TUSC3: variants seen among roughly 807,000 people sequenced by gnomAD.
TUSC3 encodes dolichyl-diphosphooligosaccharide--protein glycosyltransferase subunit TUSC3.
A neutral mutation model predicts 44.8 loss-of-function variants in TUSC3; 45 were observed. The observed-to-expected ratio is 1.00, with a 90% CI of 0.79 to 1.29. TUSC3 has a LOEUF of 1.29. Ranked by LOEUF, TUSC3 falls within the 50% of genes most tolerant of loss-of-function variation. The probability of loss-of-function intolerance (pLI) is 0.00; values close to 1 mark genes in which losing one functional copy is unlikely to be tolerated. For synonymous variants in TUSC3, 212 were observed against 152.9 expected (o/e 1.39, Z -2.85); for missense variants, 519 against 437.9 (o/e 1.19, Z -1.65).
At chr8:15,583,131 T>C (rs1803443530) in intron 1 of TUSC3, among the ~76,000 whole-genome samples, 1 of 152,192 alleles carries the variant, frequency 6.6e-6, no homozygotes, top group African/African-American at 2.4e-5. Flanking sequence ...AAGAATAAAC[T>C]AGAACTGTTC....
upstream of TUSC3, among the ~76,000 whole-genome samples, chr8:15,535,495 C>G (rs1335420680): frequency 2.0e-5 from 3 of 152,132 alleles, no homozygotes; most frequent in Non-Finnish European, 4.4e-5. Flanking sequence ...TTCTACCGTC[C>G]TAGAGCTTAC....
chr8:15,646,726 G>T (rs1464205078), intron 2 of TUSC3, among the ~76,000 whole-genome samples: 3 of 152,030 alleles, frequency 2.0e-5, no homozygotes, highest in African/African-American at 7.2e-5. Flanking sequence ...TTGCACACAG[G>T]TAGGCTAGGC....
At chr8:15,603,560 A>T (rs540095577) in intron 1 of TUSC3, among the ~76,000 whole-genome samples, 1 of 151,832 alleles carries the variant, frequency 6.6e-6, no homozygotes, top group Non-Finnish European at 1.5e-5. Flanking sequence ...AGGATTATAA[A>T]AGATAGTCAT....
intron 1 of TUSC3, among the ~76,000 whole-genome samples, chr8:15,553,874 T>A (rs1236336494): frequency 6.6e-6 from 1 of 151,754 alleles, no homozygotes; most frequent in Non-Finnish European, 1.5e-5. Context: ...TAGCCTTATA[T>A]GGAAATATGG....
intron 6 of TUSC3, among the ~76,000 whole-genome samples, chr8:15,680,006 T>C (rs1210846207): frequency 6.6e-6 from 1 of 152,018 alleles, no homozygotes; most frequent in African/African-American, 2.4e-5. Flanking sequence ...TATAGTTTGA[T>C]GTTGGGTAAT....
At chr8:15,781,509 A>C in the TUSC3 span, among the ~76,000 whole-genome samples, 1 of 152,230 alleles carries the variant, frequency 6.6e-6, no homozygotes, top group Non-Finnish European at 1.5e-5. Context: ...CATACAAGAC[A>C]GTCAATAAGA....
chr8:15,437,472 A>G (rs924169998), intron 1 of TUSC3, among the ~76,000 whole-genome samples: 2 of 152,174 alleles, frequency 1.3e-5, no homozygotes, highest in Non-Finnish European at 2.9e-5. Flanking sequence ...TAGAGCTTCT[A>G]CTATTAATAT....
chr8:15,422,344 G>C (rs140663652), intron 1 of TUSC3, among the ~76,000 whole-genome samples: 57 of 152,160 alleles, frequency 3.7e-4, no homozygotes, highest in African/African-American at 1.4e-3. Context: ...AATACCACAT[G>C]GTATCCATTT....
chr8:15,747,758 G>GACAA (rs1452782816), intron 8 of TUSC3, among the ~76,000 whole-genome samples: 5 of 152,116 alleles, frequency 3.3e-5, no homozygotes, highest in Admixed American at 6.5e-5. Flanking sequence ...TTCTTTGTAA[G>GACAA]ACAAACAGTA....
At chr8:15,536,087 A>G (rs1399125952), upstream of TUSC3, among the ~76,000 whole-genome samples, 2 of 152,168 alleles carry the variant, frequency 1.3e-5, no homozygotes, top group Non-Finnish European at 2.9e-5. Flanking sequence ...TGCCCCAGGG[A>G]ATACAAAAGA....
At chr8:15,550,571 C>A (rs1253641681) in intron 1 of TUSC3, among the ~76,000 whole-genome samples, 2 of 151,610 alleles carry the variant, frequency 1.3e-5, no homozygotes, top group African/African-American at 4.8e-5. Context: ...ACCCTCCTAC[C>A]CTGCCCCCAT....
At chr8:15,451,175 A>G (rs1225796715) in intron 1 of TUSC3, among the ~76,000 whole-genome samples, 1 of 152,204 alleles carries the variant, frequency 6.6e-6, no homozygotes, top group East Asian at 1.9e-4. Context: ...TATAAGACAC[A>G]TATATATGTC....
intron 1 of TUSC3, among the ~76,000 whole-genome samples, chr8:15,442,507 C>A (rs1205454290): frequency 6.6e-6 from 1 of 152,170 alleles, no homozygotes; most frequent in South Asian, 2.1e-4. Context: ...ATTAGCTGTT[C>A]CCAGTGGATT....
At chr8:15,770,687 TAAAAC>T (rs935949228), downstream of TUSC3, among the ~76,000 whole-genome samples, 2 of 152,190 alleles carry the variant, frequency 1.3e-5, no homozygotes, top group African/African-American at 4.8e-5. Context: ...AATAGGCAGA[TAAAAC>T]AATCAGTGAA....
At chr8:15,424,518 A>T (rs1799780584) in intron 1 of TUSC3, among the ~76,000 whole-genome samples, 1 of 152,188 alleles carries the variant, frequency 6.6e-6, no homozygotes, top group African/African-American at 2.4e-5. Context: ...GCAAACAAAA[A>T]TGACATCTGC....
intron 9 of TUSC3, among the ~76,000 whole-genome samples, chr8:15,752,919 G>T (rs1369417638): frequency 1.3e-5 from 2 of 151,942 alleles, no homozygotes; most frequent in Non-Finnish European, 2.9e-5. Context: ...AAGAGATGAC[G>T]ATTTTACTCA....
intron 5 of TUSC3, among the ~76,000 whole-genome samples, chr8:15,664,299 A>G (rs1273531529): frequency 1.3e-5 from 2 of 151,666 alleles, no homozygotes; most frequent in Admixed American, 6.6e-5. Flanking sequence ...TGTGTCTTAT[A>G]TGTTGGTGAT....
At chr8:15,806,674 T>C in the TUSC3 span, 1 of 998,722 alleles carries the variant, frequency 1.0e-6, no homozygotes, top group East Asian at 2.4e-5. Flanking sequence ...CAGTAGGACC[T>C]TTCCCATGGA....
chr8:15,810,494 T>A, the TUSC3 span, among the ~76,000 whole-genome samples: 1 of 151,842 alleles, frequency 6.6e-6, no homozygotes, highest in South Asian at 2.1e-4. Flanking sequence ...AAAACTTAGC[T>A]GGGTGTGGTG....
Sources: allele counts gnomAD v4.1 joint callset (sites outside exome capture counted in the v4.1 genomes callset), GRCh38; gene constraint gnomAD v4.1.1; transcripts MANE v1.5; gene names NCBI Gene and HGNC (gene_info 2026-07-23, HGNC 2026-07-21).